The following RTTN variants were observed in gnomAD, a reference collection of about 807,000 sequenced individuals.
RTTN encodes the protein rotatin.
Under a neutral mutation model 269.2 loss-of-function variants are expected in RTTN, and 182 were observed. That is an observed-to-expected ratio of 0.68 (90% confidence interval 0.60 to 0.76). The LOEUF (loss-of-function observed/expected upper bound fraction) is 0.76, where lower values mean the gene tolerates loss of function less well. RTTN is among the 30% of genes least tolerant of loss of function. RTTN has a pLI of 0.00. For missense variants in RTTN, 2,545 were observed against 2,608.6 expected, an observed-to-expected ratio of 0.98 and a Z score of 0.53; for synonymous variants, 1,006 against 963.5, an observed-to-expected ratio of 1.04 and a Z score of -0.82.
intron 40 of RTTN, among the ~76,000 whole-genome samples, chr18:70,033,195 C>G (rs2057069926): frequency 6.6e-6 from 1 of 152,210 alleles, no homozygotes; most frequent in African/African-American, 2.4e-5. Context: ...CCTCGCTCCC[C>G]CTTCTGCCAT....
In RTTN at chr18:70,048,154, C is replaced by G. The variant is rs371026322; in HGVS notation, c.5358G>C (p.Thr1786=). The change falls in exon 40 of 49, where the codon ACG becomes ACC. Residue 1786 remains threonine (T), a synonymous_variant. Transcript: ENST00000640769. ...MFCTCAGLSA[T]CPALYTASLQ... The stretch of plus-strand genomic sequence containing the variant: ...AGCTGGCAGTATACAGGGCAGGACA[C>G]GTGGCAGACAAGCCTGCACATGTGC... The G allele has an allele frequency of 1.5e-5, 25 of 1,613,874 alleles. No individual in the cohort carries two copies. In the African/African-American group the frequency reaches 2.8e-4, roughly 18 times the overall value.
At chr18:70,145,533 T>C (rs1012056315) in intron 18 of RTTN, 79 bp downstream of exon 18, 3 of 1,133,952 alleles carry the variant, frequency 2.6e-6, no homozygotes, top group Middle Eastern at 2.1e-4. Flanking sequence ...ATACACAAAC[T>C]GAAGAATGTC....
At chr18:70,089,479 T>C (rs1358568887) in intron 30 of RTTN, among the ~76,000 whole-genome samples, 1 of 152,178 alleles carries the variant, frequency 6.6e-6, no homozygotes. Context: ...GGTATTTTGT[T>C]ATGGAAGCCT....
chr18:70,155,768 G>A (rs1233656560), intron 14 of RTTN, among the ~76,000 whole-genome samples: 1 of 152,256 alleles, frequency 6.6e-6, no homozygotes, highest in Non-Finnish European at 1.5e-5. Flanking sequence ...AGCCATGGGA[G>A]AAGAATGTGG....
intron 14 of RTTN, among the ~76,000 whole-genome samples, chr18:70,159,056 G>A (rs1599833326): frequency 6.6e-6 from 1 of 152,064 alleles, no homozygotes; most frequent in Non-Finnish European, 1.5e-5. Context: ...AACAAAAATA[G>A]TTGGGACCTA....
chr18:70,165,117 G>A (rs1278160423), intron 14 of RTTN, among the ~76,000 whole-genome samples: 2 of 152,046 alleles, frequency 1.3e-5, no homozygotes, highest in Non-Finnish European at 2.9e-5. Context: ...GTCACAGACT[G>A]TCACTGAAAA....
At chr18:70,078,473 A>G (rs1294636975) in intron 32 of RTTN, among the ~76,000 whole-genome samples, 1 of 152,152 alleles carries the variant, frequency 6.6e-6, no homozygotes, top group Non-Finnish European at 1.5e-5. Flanking sequence ...AACTTTAGAC[A>G]TGAGACATGA....
At chr18:70,141,436 T>C (rs918216780) in intron 19 of RTTN, among the ~76,000 whole-genome samples, 2 of 152,194 alleles carry the variant, frequency 1.3e-5, no homozygotes, top group South Asian at 2.1e-4. Context: ...TGGAATACTA[T>C]GCAGCCATAA....
intron 10 of RTTN, among the ~76,000 whole-genome samples, chr18:70,187,218 G>A (rs283244): frequency 3.3e-5 from 5 of 152,054 alleles, no homozygotes; most frequent in Non-Finnish European, 5.9e-5. Context: ...CGTATAGATA[G>A]ATAGGGAATA....
At chr18:70,164,633 T>G (rs943397516) in intron 14 of RTTN, among the ~76,000 whole-genome samples, 2 of 151,816 alleles carry the variant, frequency 1.3e-5, no homozygotes, top group African/African-American at 4.8e-5. Flanking sequence ...AAATAAAACC[T>G]AAAAAGATGT....
chr18:70,163,250 T>C (rs1485005594), intron 14 of RTTN, among the ~76,000 whole-genome samples: 2 of 151,632 alleles, frequency 1.3e-5, no homozygotes, highest in Non-Finnish European at 1.5e-5. Context: ...GGCATGGTGA[T>C]GCACGCCTGT....
chr18:70,128,031 A>C, intron 24 of RTTN: 1 of 442,294 alleles, frequency 2.3e-6, no homozygotes, highest in Non-Finnish European at 4.1e-6. Context: ...CACACTAATG[A>C]TAACACTCAT....
At chr18:70,051,385 C>G in intron 39 of RTTN, 26 bp downstream of exon 39, 1 of 1,584,420 alleles carries the variant, frequency 6.3e-7, no homozygotes, top group South Asian at 1.2e-5. Context: ...CAGAAAGCCC[C>G]CAAGATTATG....
At chr18:70,168,821 G>A in intron 12 of RTTN, 34 bp downstream of exon 12, 1 of 1,454,850 alleles carries the variant, frequency 6.9e-7, no homozygotes, top group Admixed American at 2.0e-5. Context: ...ATATGTCAAA[G>A]GGATTTAAAA....
intron 34 of RTTN, among the ~76,000 whole-genome samples, chr18:70,068,250 A>G (rs1390641323): frequency 6.6e-6 from 1 of 152,202 alleles, no homozygotes; most frequent in East Asian, 1.9e-4. Flanking sequence ...AATCCAAGTA[A>G]TAACTAGACA....
At chr18:70,196,226 A>G (rs929451110) in intron 7 of RTTN, among the ~76,000 whole-genome samples, 4 of 152,170 alleles carry the variant, frequency 2.6e-5, no homozygotes, top group African/African-American at 9.7e-5. Context: ...CTACATCCCA[A>G]CAACACTATA....
Position 70,202,351 on chromosome 18 carries a change from C to A in RTTN, c.398-368G>T, listed in dbSNP as rs73966850. 8.0e-3 allele frequency among the ~76,000 whole-genome samples: 1,218 copies of A among 152,284 alleles called. 25 individuals are homozygous for A. The highest frequency in any genetic ancestry group is 0.027 in the African/African-American group (1,135 of 41,540). On this transcript the variant is annotated intron_variant, in intron 3 of 48. Transcript: ENST00000640769. ...CTGATCACTTCAATTTTCATTCATA[C>A]CTTAAAAAGAAAGTTGTCAAAAACA...
At chr18:70,128,158 A>G (rs1249406252) in intron 24 of RTTN, 200 bp downstream of exon 24, 6 of 522,330 alleles carry the variant, frequency 1.1e-5, no homozygotes, top group Non-Finnish European at 2.0e-5. Context: ...TTTTTCATTT[A>G]AAGTTTTCCC....
At chr18:70,045,632 C>A (rs185197818) in intron 40 of RTTN, among the ~76,000 whole-genome samples, 1 of 152,134 alleles carries the variant, frequency 6.6e-6, no homozygotes, top group African/African-American at 2.4e-5. Flanking sequence ...ATTTAATAGG[C>A]CCATTAACTG....
Sources: gnomAD v4.1 joint callset for allele counts (sites outside exome capture counted in the v4.1 genomes callset) on GRCh38, gnomAD v4.1.1 for gene constraint, MANE v1.5 for transcripts, NCBI Gene and HGNC (gene_info 2026-07-23, HGNC 2026-07-21) for gene names.